MTMR9: variants seen among roughly 807,000 people sequenced by gnomAD.
The protein encoded by MTMR9 is myotubularin-related protein 9.
MTMR9 carries 39 observed loss-of-function variants against 69.5 expected under a neutral mutation model. The ratio of observed to expected loss-of-function variants is 0.56; its 90% CI spans 0.43 to 0.73. The LOEUF is 0.73. Ranked by LOEUF, MTMR9 falls within the 30% of genes least tolerant of loss-of-function variation. The pLI is 0.00. For synonymous variants in MTMR9, 354 were observed against 240.8 expected (o/e 1.47, Z -4.35); for missense variants, 900 against 671.2 (o/e 1.34, Z -3.77).
rs766368657 is a variant in MTMR9, at chr8:11,319,795, C to T, written c.1443C>T (p.Val481=). The T allele has an allele frequency of 1.9e-6, 3 of 1,614,176 alleles. No individual in the cohort carries two copies. The highest frequency in any genetic ancestry group is 1.1e-5 in the South Asian group (1 of 91,078). ...TNPLFEANNL[V]IWPSVAPQSL... ...CCCTCTTTGAAGCCAACAACCTTGT[C>T]ATCTGGCCTTCAGTTGCTCCGCAGA... Residue 481 remains valine, a synonymous_variant, in exon 9 of 10, where the codon GTC becomes GTT. Coordinates refer to ENST00000221086, the MANE Select transcript of MTMR9 (RefSeq NM_015458.4).
intron 9 of MTMR9, chr8:11,320,834 T>C (rs1163565664): frequency 6.6e-6 from 1 of 152,262 alleles, no homozygotes; most frequent in Non-Finnish European, 1.5e-5. Context: ...AAAGTTATTT[T>C]GAAGATAATA....
intron 6 of MTMR9, among the ~76,000 whole-genome samples, chr8:11,309,960 C>G (rs893422608): frequency 2.6e-5 from 4 of 151,488 alleles, no homozygotes; most frequent in Non-Finnish European, 5.9e-5. Flanking sequence ...TTCTAGTACA[C>G]CCTTAAATCA....
At chr8:11,322,480 A>C in intron 9 of MTMR9, 145 bp from the exon 10 acceptor site, 1 of 609,522 alleles carries the variant, frequency 1.6e-6, no homozygotes, top group African/African-American at 1.9e-5. Context: ...TGTATATTTT[A>C]GAGTATAATA....
chr8:11,288,390 C>T (rs1408423827), intron 1 of MTMR9, among the ~76,000 whole-genome samples: 1 of 142,376 alleles, frequency 7.0e-6, no homozygotes, highest in Non-Finnish European at 1.5e-5. Flanking sequence ...GTAATAAGGG[C>T]CAGGAAGGAA....
At chr8:11,302,448 C>G (rs971282445) in intron 3 of MTMR9, among the ~76,000 whole-genome samples, 1 of 151,898 alleles carries the variant, frequency 6.6e-6, no homozygotes, top group Non-Finnish European at 1.5e-5. Context: ...TGTTCAGCTA[C>G]TGAACAATAA....
the MTMR9 span, among the ~76,000 whole-genome samples, chr8:11,337,607 AT>A: frequency 6.6e-6 from 1 of 152,240 alleles, no homozygotes; most frequent in Non-Finnish European, 1.5e-5. Flanking sequence ...AGATTTCTGC[AT>A]TCTATATATG....
chr8:11,331,529 C>A, downstream of MTMR9: 1 of 1,613,904 alleles, frequency 6.2e-7, no homozygotes, highest in Non-Finnish European at 8.5e-7. Context: ...CCACCGTATG[C>A]TCCGCTGTCC....
intron 2 of MTMR9, among the ~76,000 whole-genome samples, chr8:11,297,148 C>A (rs1379129658): frequency 6.6e-6 from 1 of 151,832 alleles, no homozygotes; most frequent in Non-Finnish European, 1.5e-5. Context: ...GACTTTGTGT[C>A]CAAAAAATGC....
intron 6 of MTMR9, among the ~76,000 whole-genome samples, chr8:11,314,553 A>G (rs1257368441): frequency 6.6e-6 from 1 of 152,208 alleles, no homozygotes; most frequent in Non-Finnish European, 1.5e-5. Context: ...AGAGGCTTTA[A>G]CCAACGATTA....
At chr8:11,289,041 G>C (rs537800452) in intron 1 of MTMR9, among the ~76,000 whole-genome samples, 11 of 152,242 alleles carry the variant, frequency 7.2e-5, no homozygotes, top group African/African-American at 2.6e-4. Context: ...GTTTGGTGGT[G>C]CATGTCTCTG....
chr8:11,321,478 TTG>T lies in MTMR9; in HGVS notation c.1487-1146_1487-1145del, dbSNP rs748892053. 6.4e-5 allele frequency: 29 copies of T among 456,642 alleles called. 2 individuals carry two copies. In the Middle Eastern group the frequency reaches 2.9e-3, roughly 46 times the overall value. The allele number at this position is 456,642 out of a possible 1,614,324, so 28.3% of individuals were successfully genotyped here. On this transcript the variant is annotated intron_variant, in intron 9 of 9. Coordinates refer to ENST00000221086, the MANE Select transcript of MTMR9 (RefSeq NM_015458.4). ...CTGGGTGGCCTGAAGGATGATTTAA[TTG>T]CTTTGTACCAAACCTCCTTGTGGAG...
In MTMR9 at chr8:11,306,042, G is replaced by A. The variant is rs1799926345; in HGVS notation, c.592-148G>A. ...TAGTTATTAACTATTGTCAATACAT[G>A]CAAATATTTCTTTGTTTATGGATCA... On this transcript the variant is annotated intron_variant, in intron 4 of 9. Coordinates refer to ENST00000221086, the MANE Select transcript of MTMR9 (RefSeq NM_015458.4). 7.7e-6 allele frequency: 5 copies of A among 653,104 alleles called. No homozygotes were observed. The South Asian group carries it at 7.8e-5, about 10-fold the overall frequency. 40.5% of individuals were successfully genotyped at this position (653,104 alleles called of 1,614,324 possible). A position where few individuals can be genotyped will look rare whatever the true frequency, so the allele number is the denominator to read the frequency against.
chr8:11,325,391 T>A lies in MTMR9; in HGVS notation c.*2603T>A, dbSNP rs867862890. On this transcript the variant is annotated 3_prime_UTR_variant, in exon 10 of 10. Coordinates refer to ENST00000221086, the MANE Select transcript of MTMR9 (RefSeq NM_015458.4). ...TAAACATTGCATCGGAGAGCTGCCT[T>A]TGATAAATGTGCTGTTAAACACTTG... 5 of 152,328 alleles carry A rather than the reference T, an allele frequency of 3.3e-5. No homozygotes were observed. In the South Asian group the frequency reaches 1.0e-3, roughly 32 times the overall value. 9.4% of individuals were successfully genotyped at this position (152,328 alleles called of 1,614,324 possible).
chr8:11,292,506 A>G (rs1799408350), intron 1 of MTMR9, among the ~76,000 whole-genome samples: 1 of 152,186 alleles, frequency 6.6e-6, no homozygotes, highest in Non-Finnish European at 1.5e-5. Flanking sequence ...AGCATTTGCT[A>G]TGGTCTGTCT....
Position 11,315,160 on chromosome 8 carries a change from T to C in MTMR9, c.1113+96T>C, listed in dbSNP as rs537090332. ...ACATAATGTGTGAAATTTCGATTGA[T>C]TAAAATTTCTAAGTTGTGTGTTTAA... On this transcript the variant is annotated intron_variant, in intron 7 of 9. Coordinates refer to ENST00000221086, the MANE Select transcript of MTMR9 (RefSeq NM_015458.4). The C allele has an allele frequency of 4.9e-5, 71 of 1,449,500 alleles. No individual in the cohort carries two copies. In the African/African-American group the frequency reaches 9.3e-4, roughly 19 times the overall value. 89.8% of individuals were successfully genotyped at this position (1,449,500 alleles called of 1,614,324 possible). A position where few individuals can be genotyped will look rare whatever the true frequency, so the allele number is the denominator to read the frequency against.
chr8:11,290,246 A>T (rs1480046304), intron 1 of MTMR9, among the ~76,000 whole-genome samples: 1 of 152,116 alleles, frequency 6.6e-6, no homozygotes, highest in Admixed American at 6.5e-5. Flanking sequence ...AGTATACTTA[A>T]AATTTTTTTT....
chr8:11,299,206 T>C (rs542698512), intron 2 of MTMR9, among the ~76,000 whole-genome samples: 98 of 152,254 alleles, frequency 6.4e-4, no homozygotes, highest in African/African-American at 1.9e-3. Flanking sequence ...GGCAGGCACC[T>C]GTAATCCCAG....
intron 3 of MTMR9, among the ~76,000 whole-genome samples, chr8:11,304,023 C>T (rs938656303): frequency 2.0e-5 from 3 of 152,024 alleles, no homozygotes; most frequent in African/African-American, 7.3e-5. Context: ...CTCAGATATA[C>T]AGAACATATT....
At chr8:11,328,344 CGTGT>C (rs151066674), downstream of MTMR9, among the ~76,000 whole-genome samples, 1,835 of 90,970 alleles carry the variant, frequency 0.02, 35 homozygotes, top group African/African-American at 0.052. Flanking sequence ...TTTAATACCA[CGTGT>C]GTGTGTGTGT....
Sources: gnomAD v4.1 joint callset for allele counts (sites outside exome capture counted in the v4.1 genomes callset) on GRCh38, gnomAD v4.1.1 for gene constraint, MANE v1.5 for transcripts, NCBI Gene and HGNC (gene_info 2026-07-23, HGNC 2026-07-21) for gene names.